NKAIN2: variants seen among roughly 807,000 people sequenced by gnomAD.
NKAIN2 encodes sodium/potassium-transporting ATPase subunit beta-1-interacting protein 2.
NKAIN2 carries 14 observed loss-of-function variants against 32.6 expected under a neutral mutation model. The observed-to-expected ratio is 0.43, with a 90% CI of 0.28 to 0.67. The LOEUF (loss-of-function observed/expected upper bound fraction) is 0.67, where lower values mean the gene tolerates loss of function less well. Ranked by LOEUF, NKAIN2 falls within the 30% of genes least tolerant of loss-of-function variation. The pLI is 0.17. For synonymous variants in NKAIN2, 80 were observed against 87.2 expected, an observed-to-expected ratio of 0.92 and a Z score of 0.46; for missense variants, 198 against 258.3, an observed-to-expected ratio of 0.77 and a Z score of 1.60.
At chr6:123,915,636 GA>G (rs1404264118) in intron 1 of NKAIN2, among the ~76,000 whole-genome samples, 1 of 152,106 alleles carries the variant, frequency 6.6e-6, no homozygotes, top group Non-Finnish European at 1.5e-5. Context: ...ATACACGAGA[GA>G]AAATTCTACA....
intron 1 of NKAIN2, among the ~76,000 whole-genome samples, chr6:123,978,175 G>A (rs993919025): frequency 1.3e-5 from 2 of 152,070 alleles, no homozygotes; most frequent in Admixed American, 1.3e-4. Context: ...TAAAATCATA[G>A]ATTTATTTGT....
chr6:123,931,343 C>A (rs1378879996), intron 1 of NKAIN2, among the ~76,000 whole-genome samples: 1 of 152,066 alleles, frequency 6.6e-6, no homozygotes, highest in Non-Finnish European at 1.5e-5. Context: ...GTAACCTTTC[C>A]AGATTCTTCC....
intron 1 of NKAIN2, among the ~76,000 whole-genome samples, chr6:123,984,331 C>T (rs538670255): frequency 2.0e-5 from 3 of 152,104 alleles, no homozygotes; most frequent in Admixed American, 6.5e-5. Flanking sequence ...TCAATTTTTG[C>T]ATATACTTTT....
chr6:123,972,758 C>T (rs1297321912), intron 1 of NKAIN2, among the ~76,000 whole-genome samples: 1 of 152,034 alleles, frequency 6.6e-6, no homozygotes, highest in Non-Finnish European at 1.5e-5. Flanking sequence ...TTAGTTCTAC[C>T]TTATTTATTC....
At chr6:124,508,095 G>GA (rs61476933) in intron 3 of NKAIN2, among the ~76,000 whole-genome samples, 5 of 137,776 alleles carry the variant, frequency 3.6e-5, no homozygotes, top group African/African-American at 1.1e-4. Flanking sequence ...TGTACCAAAA[G>GA]AAAAAAAAAA....
chr6:124,552,221 T>A (rs1442991102), intron 3 of NKAIN2, among the ~76,000 whole-genome samples: 2 of 152,206 alleles, frequency 1.3e-5, no homozygotes, highest in Non-Finnish European at 2.9e-5. Context: ...AACTAAATTG[T>A]ATACAAACAT....
intron 3 of NKAIN2, among the ~76,000 whole-genome samples, chr6:124,545,558 A>C (rs1162118654): frequency 1.3e-5 from 2 of 152,040 alleles, no homozygotes; most frequent in South Asian, 4.1e-4. Flanking sequence ...TGACCAACAT[A>C]ATCTTAAATC....
chr6:124,784,783 G>A (rs1471861035), intron 4 of NKAIN2, among the ~76,000 whole-genome samples: 1 of 151,984 alleles, frequency 6.6e-6, no homozygotes, highest in Non-Finnish European at 1.5e-5. Context: ...TATGGTAGTT[G>A]CGTGTTTAGT....
chr6:124,084,970 G>A (rs1488993428), intron 1 of NKAIN2, among the ~76,000 whole-genome samples: 1 of 151,974 alleles, frequency 6.6e-6, no homozygotes, highest in African/African-American at 2.4e-5. Flanking sequence ...TACTCAAAGA[G>A]CTTAAAATTT....
In NKAIN2 at chr6:124,605,716, T is replaced by C. The variant is rs532790438; in HGVS notation, c.274-52470T>C. 5.9e-5 allele frequency among the ~76,000 whole-genome samples: 9 copies of C among 152,178 alleles called. No homozygotes were observed. The South Asian group carries it at 1.7e-3, about 28-fold the overall frequency. Reference sequence around the variant, plus strand: ...TGTCAGAATTTCCCATCGTAGATGATCTTGAAGAACTCTCATTTTATAAAT... The same window carrying C: ...TGTCAGAATTTCCCATCGTAGATGACCTTGAAGAACTCTCATTTTATAAAT... On this transcript the variant is annotated intron_variant, in intron 3 of 6. Coordinates refer to ENST00000368417, the MANE Select transcript of NKAIN2 (RefSeq NM_001040214.3).
chr6:124,081,449 A>G (rs1414418068), intron 1 of NKAIN2, among the ~76,000 whole-genome samples: 1 of 152,038 alleles, frequency 6.6e-6, no homozygotes, highest in Non-Finnish European at 1.5e-5. Context: ...TACATAACAT[A>G]TTCTGTTTCT....
chr6:123,820,202 C>T (rs1773866245), intron 1 of NKAIN2, among the ~76,000 whole-genome samples: 1 of 152,054 alleles, frequency 6.6e-6, no homozygotes, highest in South Asian at 2.1e-4. Context: ...AAAAGAAGGA[C>T]AAAAAGGGTG....
At chr6:124,498,389 GCA>G (rs1480405325) in intron 3 of NKAIN2, among the ~76,000 whole-genome samples, 1 of 152,162 alleles carries the variant, frequency 6.6e-6, no homozygotes, top group African/African-American at 2.4e-5. Context: ...CACAGAGATA[GCA>G]CAAGCAACTA....
At chr6:124,077,092 T>C (rs1010045980) in intron 1 of NKAIN2, among the ~76,000 whole-genome samples, 1 of 152,216 alleles carries the variant, frequency 6.6e-6, no homozygotes, top group Admixed American at 6.6e-5. Flanking sequence ...AAATGAAATA[T>C]ACTTGAGACA....
At chr6:124,571,280 T>A (rs1781117730) in intron 3 of NKAIN2, among the ~76,000 whole-genome samples, 1 of 152,130 alleles carries the variant, frequency 6.6e-6, no homozygotes, top group South Asian at 2.1e-4. Context: ...GTTAAGACTT[T>A]GGGGGACTGT....
At chr6:123,928,873 T>A (rs571925747) in intron 1 of NKAIN2, among the ~76,000 whole-genome samples, 1 of 152,168 alleles carries the variant, frequency 6.6e-6, no homozygotes, top group Non-Finnish European at 1.5e-5. Context: ...TCTATCAATA[T>A]TATAATGGAT....
intron 4 of NKAIN2, among the ~76,000 whole-genome samples, chr6:124,699,937 G>T (rs1774690765): frequency 6.6e-6 from 1 of 152,130 alleles, no homozygotes; most frequent in Non-Finnish European, 1.5e-5. Flanking sequence ...TGGAATGGGA[G>T]AAATCATTAT....
intron 2 of NKAIN2, among the ~76,000 whole-genome samples, chr6:124,314,807 A>G (rs971272728): frequency 6.6e-6 from 1 of 152,204 alleles, no homozygotes; most frequent in Non-Finnish European, 1.5e-5. Flanking sequence ...GAGGATATAC[A>G]GAAAGCACCA....
intron 3 of NKAIN2, among the ~76,000 whole-genome samples, chr6:124,389,504 T>A (rs192852717): frequency 6.6e-6 from 1 of 152,144 alleles, no homozygotes. Context: ...AAATATGTTA[T>A]CTCAGTGGAG....
Sources: gnomAD v4.1 joint callset for allele counts (sites outside exome capture counted in the v4.1 genomes callset) on GRCh38, gnomAD v4.1.1 for gene constraint, MANE v1.5 for transcripts, NCBI Gene and HGNC (gene_info 2026-07-23, HGNC 2026-07-21) for gene names.